Variants in C4orf50 observed in about 807,000 individuals in gnomAD.
The protein encoded by C4orf50 is uncharacterized protein C4orf50.
A neutral mutation model predicts 77.2 loss-of-function variants in C4orf50; 80 were observed. The ratio of observed to expected loss-of-function variants is 1.04; its 90% confidence interval spans 0.87 to 1.25. The LOEUF (loss-of-function observed/expected upper bound fraction) is 1.25. Ranked by LOEUF, C4orf50 falls within the 50% of genes most tolerant of loss-of-function variation. C4orf50 has a pLI of 0.00. For synonymous variants in C4orf50, 532 were observed against 465.3 expected (o/e 1.14, Z -1.84); for missense variants, 1,257 against 1,152.9 (o/e 1.09, Z -1.31).
rs899867492 is a variant in C4orf50, at chr4:5,959,770, C to T, written c.4276-144G>A. 8.6e-6 allele frequency: 8 copies of T among 934,858 alleles called. No individual in the cohort carries two copies. The African/African-American group carries it at 1.2e-4, about 14-fold the overall frequency. The allele number at this position is 934,858 out of a possible 1,614,324, so 57.9% of individuals were successfully genotyped here. On this transcript the variant is annotated intron_variant, in intron 33 of 33. Coordinates refer to ENST00000531445, the Ensembl canonical transcript of C4orf50. ...TCTGTGCCTGGCACCAAATACTCCTCACACATTGGCTCACTTCCTTTGGTG... is the reference window on the plus strand; with the variant it reads ...TCTGTGCCTGGCACCAAATACTCCTTACACATTGGCTCACTTCCTTTGGTG...
At chr4:5,945,439 C>T (rs1317420673) in intron 7 of C4orf50, among the ~76,000 whole-genome samples, 1 of 152,218 alleles carries the variant, frequency 6.6e-6, no homozygotes, top group Non-Finnish European at 1.5e-5. Flanking sequence ...AGAGTGCCAG[C>T]ACCCGGGAGA....
In C4orf50 at chr4:6,018,210, G is replaced by C. The variant is rs1722753140; in HGVS notation, c.222C>G (p.Ser74=). ...CTGCTGCTGACAGCTTCTGCTCGGA[G>C]GACTCCAGCTGCCTCCTGAGCGCAC... The change falls in exon 23 of 34, where the codon TCC becomes TCG. Residue 74 remains serine (S), a synonymous_variant. Coordinates refer to ENST00000531445, the Ensembl canonical transcript of C4orf50. The surrounding 1 kb of genome is among the most constrained non-coding windows in gnomAD (Gnocchi z 5.1). 1 of 399,004 alleles carries C rather than the reference G, an allele frequency of 2.5e-6. No individual in the cohort carries two copies. Among genetic ancestry groups the C allele is most frequent in the Admixed American group, 4.4e-5 (1 of 22,734 alleles). 24.7% of individuals were successfully genotyped at this position (399,004 alleles called of 1,614,324 possible).
chr4:5,945,058 A>G (rs116104732), intron 7 of C4orf50, among the ~76,000 whole-genome samples: 7,942 of 152,190 alleles, frequency 0.052, 276 homozygotes, highest in Middle Eastern at 0.089. Context: ...CACATTTCCA[A>G]AATGATTCTC....
At chr4:5,988,413 C>T (rs1466369647) in exon 28 of C4orf50, 12 of 1,610,802 alleles carry the variant, frequency 7.4e-6, no homozygotes, top group Non-Finnish European at 1.0e-5. Flanking sequence ...GCCTCTTCTC[C>T]TCTTTCTCCA....
At chr4:5,955,318 A>T (rs180998031), downstream of C4orf50, among the ~76,000 whole-genome samples, 25 of 152,092 alleles carry the variant, frequency 1.6e-4, no homozygotes, top group African/African-American at 6.0e-4. The surrounding 1 kb of genome is among the most constrained non-coding windows in gnomAD (Gnocchi z 5.1). Flanking sequence ...AGGTGGGGTA[A>T]GGGGAAGAGC....
At position 5,916,064 on chromosome 4, in the gene C4orf50, A is replaced by G. The variant is rs568789504; in HGVS notation, c.*2475-17876T>C. ...GGCAAGGCTAGTCCTGTAACAAGGGATGGGTGTGCAGCTACCACAGGGGCA... is the reference window on the plus strand; with the variant it reads ...GGCAAGGCTAGTCCTGTAACAAGGGGTGGGTGTGCAGCTACCACAGGGGCA... On this transcript the variant is annotated intron_variant, in intron 7 of 7. Coordinates refer to the C4orf50 transcript ENST00000324058. This position sits in a 1 kb window ranked among gnomAD's most constrained non-coding sequence, Gnocchi z 4.4. Among the ~76,000 whole-genome samples, 1 of 152,298 alleles carries G rather than the reference A, an allele frequency of 6.6e-6. No homozygotes were observed. The highest frequency in any genetic ancestry group is 2.1e-4 in the South Asian group (1 of 4,822).
At chr4:5,961,392 A>G (rs886590818) in intron 33 of C4orf50, among the ~76,000 whole-genome samples, 7 of 152,354 alleles carry the variant, frequency 4.6e-5, no homozygotes, top group African/African-American at 1.7e-4. Flanking sequence ...AAAGAGTAGT[A>G]TAATATTGGC....
intron 7 of C4orf50, among the ~76,000 whole-genome samples, chr4:5,937,408 T>G (rs2108748884): frequency 6.6e-6 from 1 of 152,222 alleles, no homozygotes; most frequent in Admixed American, 6.5e-5. Flanking sequence ...GGAAATATAA[T>G]GTACACCTAG....
In C4orf50 at chr4:6,004,304, G is replaced by GTGATGATGGTGA. The variant is rs1560599002; in HGVS notation, c.963+3691_963+3692insTCACCATCATCA. ...GGTGATGTTGGTGATGATGGTGATG[G>GTGATGATGGTGA]TGGTGATGATGTGATCGTAATGGTG... On this transcript the variant is annotated intron_variant, in intron 25 of 33. Coordinates refer to ENST00000531445, the Ensembl canonical transcript of C4orf50. 6.0e-4 allele frequency among the ~76,000 whole-genome samples: 17 copies of GTGATGATGGTGA among 28,294 alleles called. 5 individuals are homozygous for GTGATGATGGTGA. The highest frequency in any genetic ancestry group is 5.2e-3 in the East Asian group (1 of 192). 18.6% of individuals were successfully genotyped at this position (28,294 alleles called of 152,430 possible). A position where few individuals can be genotyped will look rare whatever the true frequency, so the allele number is the denominator to read the frequency against.
chr4:5,998,833 A>G (rs1377097536), intron 25 of C4orf50, among the ~76,000 whole-genome samples: 1 of 152,202 alleles, frequency 6.6e-6, no homozygotes, highest in Non-Finnish European at 1.5e-5. Flanking sequence ...ACTCATGGGA[A>G]AGCATTCAGA....
intron 7 of C4orf50, among the ~76,000 whole-genome samples, chr4:5,917,070 A>G (rs1458620336): frequency 6.6e-6 from 1 of 152,200 alleles, no homozygotes; most frequent in Non-Finnish European, 1.5e-5. Context: ...CACGTACATC[A>G]TGCCTACGCT....
At chr4:5,947,481 C>T (rs974740752) in intron 7 of C4orf50, among the ~76,000 whole-genome samples, 5 of 152,224 alleles carry the variant, frequency 3.3e-5, no homozygotes, top group Non-Finnish European at 5.9e-5. Context: ...AATGCAGCCT[C>T]CAGAAATAAT....
At chr4:5,973,167 C>T (rs577344474) in intron 31 of C4orf50, among the ~76,000 whole-genome samples, 10 of 152,328 alleles carry the variant, frequency 6.6e-5, no homozygotes, top group African/African-American at 2.4e-4. Flanking sequence ...CCTGCTCATG[C>T]CCCGTCACGC....
chr4:6,012,039 C>A, intron 23 of C4orf50, 71 bp from the exon 2 acceptor site: 1 of 398,784 alleles, frequency 2.5e-6, no homozygotes, highest in South Asian at 1.3e-4. Context: ...TTGCAGACAC[C>A]AGGGCCAAAT....
At chr4:5,999,543 C>G (rs902307306) in intron 25 of C4orf50, among the ~76,000 whole-genome samples, 1 of 152,228 alleles carries the variant, frequency 6.6e-6, no homozygotes, top group African/African-American at 2.4e-5. Context: ...CACTGTGAAG[C>G]AGTCCCTTCA....
chr4:6,016,106 A>C (rs1722674948), intron 23 of C4orf50, among the ~76,000 whole-genome samples: 1 of 152,174 alleles, frequency 6.6e-6, no homozygotes, highest in Admixed American at 6.5e-5. Context: ...TCTTTCTTAA[A>C]TCTAAATTTG....
intron 7 of C4orf50, among the ~76,000 whole-genome samples, chr4:5,914,217 T>C (rs771638524): frequency 6.8e-6 from 1 of 146,962 alleles, no homozygotes. Context: ...TTTTTTTTTT[T>C]TTTTTTTTTT....
chr4:5,967,391 T>G, intron 32 of C4orf50, 23 bp downstream of exon 10: 3 of 1,607,192 alleles, frequency 1.9e-6, no homozygotes, highest in Non-Finnish European at 1.7e-6. Flanking sequence ...CACAGGCTTT[T>G]CCTGATCAAA....
In C4orf50 at chr4:5,908,530, C is replaced by G. The variant is rs1427579675; in HGVS notation, c.*2475-10342G>C. 6.6e-6 allele frequency among the ~76,000 whole-genome samples: 1 copy of G among 151,946 alleles called. No individual in the cohort carries two copies. Among genetic ancestry groups the G allele is most frequent in the Non-Finnish European group, 1.5e-5 (1 of 68,008 alleles). Reference sequence around the variant, plus strand: ...GGAGGAAGCAAATGTGTGAAGCAGACAATGGCAGAGACTCCAAGCAGGGAG... The same window carrying G: ...GGAGGAAGCAAATGTGTGAAGCAGAGAATGGCAGAGACTCCAAGCAGGGAG... On this transcript the variant is annotated intron_variant, in intron 7 of 7. Transcript: ENST00000324058. This position sits in a 1 kb window ranked among gnomAD's most constrained non-coding sequence, Gnocchi z 5.6.
Sources: gnomAD v4.1 joint callset for allele counts (sites outside exome capture counted in the v4.1 genomes callset) on GRCh38, gnomAD v4.1.1 for gene constraint, Gnocchi (gnomAD v3.1) non-coding constraint, MANE v1.5 for transcripts, NCBI Gene and HGNC (gene_info 2026-07-23, HGNC 2026-07-21) for gene names.